The following TM2D1 variants were observed in gnomAD, a reference collection of about 807,000 sequenced individuals.
TM2D1 encodes the protein TM2 domain-containing protein 1.
Under a neutral mutation model 28.4 loss-of-function variants are expected in TM2D1, and 15 were observed. The ratio of observed to expected loss-of-function variants is 0.53; its 90% CI spans 0.35 to 0.81. The LOEUF is 0.81. TM2D1 is among the 40% of genes least tolerant of loss of function. TM2D1 has a pLI of 0.01. For missense variants in TM2D1, 236 were observed against 254.9 expected (o/e 0.93, Z 0.50); for synonymous variants, 93 against 96.2 (o/e 0.97, Z 0.20).
At chr1:61,687,718 A>G (rs894557969) in intron 5 of TM2D1, among the ~76,000 whole-genome samples, 4 of 151,990 alleles carry the variant, frequency 2.6e-5, no homozygotes, top group African/African-American at 9.7e-5. Context: ...AAAAAAAAAG[A>G]CCATTTTATA....
At position 61,724,972 on chromosome 1, in the gene TM2D1, T is replaced by A. The variant is rs1235418306; in HGVS notation, c.149A>T (p.Asp50Val). The stretch of plus-strand genomic sequence containing the variant: ...CAGAGGATATTGTCCCACTTTGAGG[T>A]CCTCGCACTTAAGCGACTCCTCGCC... ...AGGEESLKCE[D>V]LKVGQYICKD... The change falls in exon 1 of 7, where the codon GAC becomes GTC. Residue 50 changes from aspartate (D) to valine (V), a missense_variant. By Grantham distance (152) the Asp-to-Val change is radical (BLOSUM62 -3). Transcript: ENST00000606498. The A allele has an allele frequency of 1.2e-6, 2 of 1,602,168 alleles. No homozygotes were observed. Among genetic ancestry groups the A allele is most frequent in the Non-Finnish European group, 1.7e-6 (2 of 1,170,772 alleles).
At chr1:61,719,640 G>A (rs1356991820) in intron 2 of TM2D1, among the ~76,000 whole-genome samples, 1 of 152,066 alleles carries the variant, frequency 6.6e-6, no homozygotes, top group Non-Finnish European at 1.5e-5. Flanking sequence ...TTACAGGCAT[G>A]CGTCAGCACG....
chr1:61,695,983 A>G (rs1644360258), intron 4 of TM2D1: 1 of 152,188 alleles, frequency 6.6e-6, no homozygotes, highest in African/African-American at 2.4e-5. Flanking sequence ...GGCACATAGT[A>G]AATGCTCAAT....
chr1:61,701,075 G>GA (rs762124976), intron 3 of TM2D1, 50 bp from the exon 4 acceptor site: 818 of 1,431,398 alleles, frequency 5.7e-4, no homozygotes, highest in Non-Finnish European at 6.5e-4. Flanking sequence ...GAACATTTTA[G>GA]AAAAAAAAAT....
At chr1:61,694,065 G>A (rs1644346719) in intron 5 of TM2D1, 1 of 152,174 alleles carries the variant, frequency 6.6e-6, no homozygotes, top group Non-Finnish European at 1.5e-5. Flanking sequence ...GAGTTATCAG[G>A]AGAGCCCTAA....
intron 2 of TM2D1, among the ~76,000 whole-genome samples, chr1:61,720,211 A>G (rs547837649): frequency 6.8e-4 from 104 of 152,266 alleles, no homozygotes; most frequent in Non-Finnish European, 1.2e-3. Flanking sequence ...ACTTGCTGAT[A>G]TATGTGTATG....
At chr1:61,690,896 T>C (rs887199375) in intron 5 of TM2D1, among the ~76,000 whole-genome samples, 3 of 152,228 alleles carry the variant, frequency 2.0e-5, no homozygotes, top group Non-Finnish European at 2.9e-5. Context: ...TTCATAAATG[T>C]TTCAGACATT....
chr1:61,719,900 T>C (rs952388851), intron 2 of TM2D1, among the ~76,000 whole-genome samples: 3 of 152,182 alleles, frequency 2.0e-5, no homozygotes, highest in African/African-American at 7.2e-5. Flanking sequence ...GCAACACTAA[T>C]TTACAGTCAG....
intron 2 of TM2D1, among the ~76,000 whole-genome samples, chr1:61,712,675 T>C (rs1472958544): frequency 1.3e-5 from 2 of 152,158 alleles, no homozygotes; most frequent in Non-Finnish European, 2.9e-5. Flanking sequence ...TCTCCCAAAG[T>C]GCTGGGATTA....
At chr1:61,685,125 T>C (rs951634516) in intron 5 of TM2D1, among the ~76,000 whole-genome samples, 4 of 152,106 alleles carry the variant, frequency 2.6e-5, no homozygotes, top group African/African-American at 7.2e-5. Flanking sequence ...TTTTTAAACC[T>C]AAAAATATAT....
intron 5 of TM2D1, among the ~76,000 whole-genome samples, chr1:61,691,107 ATCTT>A (rs1644320569): frequency 1.3e-5 from 2 of 152,090 alleles, no homozygotes; most frequent in Admixed American, 1.3e-4. Flanking sequence ...ACATATCCTC[ATCTT>A]TCTGATTCGT....
intron 2 of TM2D1, among the ~76,000 whole-genome samples, chr1:61,710,425 CAAAAAAAAA>C (rs1171048869): frequency 3.4e-5 from 2 of 58,232 alleles, no homozygotes; most frequent in South Asian, 1.3e-3. Context: ...GACCCTGTCC[CAAAAAAAAA>C]AAAAAAAAAA....
At chr1:61,713,493 A>C (rs28545587) in intron 2 of TM2D1, among the ~76,000 whole-genome samples, 4 of 135,686 alleles carry the variant, frequency 2.9e-5, no homozygotes, top group Non-Finnish European at 6.0e-5. Context: ...AAAAACAAAA[A>C]AAAAAAAAAA....
chr1:61,717,775 G>T (rs532484236), intron 2 of TM2D1, among the ~76,000 whole-genome samples: 3 of 151,748 alleles, frequency 2.0e-5, no homozygotes, highest in South Asian at 4.2e-4. Flanking sequence ...ATACACAAAT[G>T]TTAAACCAGA....
intron 2 of TM2D1, among the ~76,000 whole-genome samples, chr1:61,721,318 G>T (rs969855474): frequency 6.6e-6 from 1 of 151,988 alleles, no homozygotes; most frequent in African/African-American, 2.4e-5. Flanking sequence ...GAGGCAGGTG[G>T]ATCACCTGAG....
intron 5 of TM2D1, among the ~76,000 whole-genome samples, chr1:61,690,798 C>T (rs1644318460): frequency 6.6e-6 from 1 of 152,110 alleles, no homozygotes; most frequent in African/African-American, 2.4e-5. Flanking sequence ...TAATACAAAG[C>T]AGTATATAAC....
chr1:61,692,383 A>G (rs1644334465), intron 5 of TM2D1, among the ~76,000 whole-genome samples: 1 of 152,054 alleles, frequency 6.6e-6, no homozygotes, highest in Non-Finnish European at 1.5e-5. Flanking sequence ...ATGGGATCAC[A>G]GTCCAACAGA....
chr1:61,699,293 G>C (rs536720915), intron 4 of TM2D1: 1 of 152,218 alleles, frequency 6.6e-6, no homozygotes, highest in Non-Finnish European at 1.5e-5. Flanking sequence ...GTTGCAGTGA[G>C]CCGTGATCGC....
At chr1:61,705,802 G>A (rs2051136) in intron 3 of TM2D1, among the ~76,000 whole-genome samples, 26,943 of 152,084 alleles carry the variant, frequency 0.18, 3,009 homozygotes, top group Non-Finnish European at 0.25. Flanking sequence ...ATGAAGCAAT[G>A]ATGTAATACT....
Sources: allele counts gnomAD v4.1 joint callset (sites outside exome capture counted in the v4.1 genomes callset), GRCh38; gene constraint gnomAD v4.1.1; transcripts MANE v1.5; gene names NCBI Gene and HGNC (gene_info 2026-07-23, HGNC 2026-07-21).